The following DPF3 variants were observed in gnomAD, a reference collection of about 807,000 sequenced individuals.
The protein encoded by DPF3 is double PHD fingers 3.
In DPF3, 18 loss-of-function variants were observed where a neutral mutation model predicts 56.8. The ratio of observed to expected loss-of-function variants is 0.32; its 90% CI spans 0.22 to 0.47. DPF3 has a LOEUF of 0.47. Ranked by LOEUF, DPF3 falls within the 20% of genes least tolerant of loss-of-function variation. The pLI, the probability that DPF3 is intolerant of heterozygous loss-of-function variation, is 1.00. For missense variants in DPF3, 403 were observed against 488.8 expected, an observed-to-expected ratio of 0.82 and a Z score of 1.65; for synonymous variants, 188 against 180.2, an observed-to-expected ratio of 1.04 and a Z score of -0.35.
Position 72,612,993 on chromosome 14 carries a change from CGTGTGTGT to C in DPF3, c.*6296_*6303del, listed in dbSNP as rs59321921. ...TTTCCCTTTGGTTCATTAAGTAGGGCGTGTGTGTGTGTGTGTGTGTGTGTGTGTGTGTG... is the reference window on the plus strand; with the variant it reads ...TTTCCCTTTGGTTCATTAAGTAGGGCGTGTGTGTGTGTGTGTGTGTGTGTG... On this transcript the variant is annotated 3_prime_UTR_variant, in exon 11 of 11. Transcript: ENST00000556509. Among the ~76,000 whole-genome samples, 578 of 148,782 alleles carry C rather than the reference CGTGTGTGT, an allele frequency of 3.9e-3. 1 individual carries two copies. Among genetic ancestry groups the C allele is most frequent in the East Asian group, 7.1e-3 (35 of 4,938 alleles).
intron 6 of DPF3, among the ~76,000 whole-genome samples, chr14:72,705,601 C>T (rs987607062): frequency 1.3e-5 from 2 of 152,226 alleles, no homozygotes; most frequent in African/African-American, 4.8e-5. Flanking sequence ...TCCCAGCAAC[C>T]CTGGTCTAAC....
At chr14:72,875,547 C>T (rs1178358315) in intron 1 of DPF3, among the ~76,000 whole-genome samples, 1 of 152,178 alleles carries the variant, frequency 6.6e-6, no homozygotes, top group Non-Finnish European at 1.5e-5. Flanking sequence ...GTTAGGAATC[C>T]TACCCAAGGC....
In DPF3 at chr14:72,609,222, A is replaced by C. The variant is rs550764677; in HGVS notation, c.*10075T>G. Among the ~76,000 whole-genome samples the C allele has an allele frequency of 7.2e-5, 11 of 152,172 alleles. No individual in the cohort carries two copies. Among genetic ancestry groups the C allele is most frequent in the South Asian group, 2.1e-4 (1 of 4,828 alleles). On this transcript the variant is annotated 3_prime_UTR_variant, in exon 11 of 11. Coordinates refer to ENST00000556509, the MANE Select transcript of DPF3 (RefSeq NM_001280542.3). The stretch of plus-strand genomic sequence containing the variant: ...CATGGGATATCGAGGGGTCCCAAAG[A>C]AGAAGGCTGCTCGATCCCCACATTC...
intron 1 of DPF3, among the ~76,000 whole-genome samples, chr14:72,876,270 G>A (rs1003758686): frequency 6.6e-6 from 1 of 152,136 alleles, no homozygotes; most frequent in Non-Finnish European, 1.5e-5. Context: ...CACCCCTCTG[G>A]GTGGTCCCCT....
At chr14:72,849,043 C>A (rs1210659253) in intron 1 of DPF3, among the ~76,000 whole-genome samples, 2 of 152,102 alleles carry the variant, frequency 1.3e-5, no homozygotes, top group East Asian at 3.9e-4. Context: ...ACCAGGCCCC[C>A]AAAAAAGTTA....
Position 72,883,883 on chromosome 14 carries a change from C to T in DPF3, c.32+10174G>A, listed in dbSNP as rs562746079. Among the ~76,000 whole-genome samples, 26 of 149,482 alleles carry T rather than the reference C, an allele frequency of 1.7e-4. No homozygotes were observed. The South Asian group carries it at 2.6e-3, about 15-fold the overall frequency. On this transcript the variant is annotated intron_variant, in intron 1 of 10. Transcript: ENST00000556509. Reference sequence around the variant, plus strand: ...CAGAGGTTGCAGTGAGCCAAGATCACGCCACTGCACTCCAGCCTAGGCGAC... The same window carrying T: ...CAGAGGTTGCAGTGAGCCAAGATCATGCCACTGCACTCCAGCCTAGGCGAC...
At chr14:72,788,604 C>T (rs1892308522) in intron 1 of DPF3, among the ~76,000 whole-genome samples, 1 of 152,178 alleles carries the variant, frequency 6.6e-6, no homozygotes, top group African/African-American at 2.4e-5. Flanking sequence ...TTGCCAGACA[C>T]ACAGGATTCT....
intron 9 of DPF3, among the ~76,000 whole-genome samples, chr14:72,623,388 G>A (rs993153002): frequency 6.6e-6 from 1 of 152,158 alleles, no homozygotes; most frequent in Non-Finnish European, 1.5e-5. Context: ...ACCACACAGA[G>A]AGAAACTATT....
chr14:72,648,544 CAG>C (rs913101020), intron 8 of DPF3, among the ~76,000 whole-genome samples: 1 of 138,626 alleles, frequency 7.2e-6, no homozygotes, highest in African/African-American at 2.7e-5. Context: ...GCCTGGGTGA[CAG>C]AGTGAGACTC....
chr14:72,723,699 T>C lies in DPF3; in HGVS notation c.459A>G (p.Glu153=), dbSNP rs1251864153. The part of the protein sequence containing the change: ...QRVLENDENV[E]EGNEEEDLEE... ...CCAAATCCTCTTCTTCATTCCCTTC[T>C]TCTACATTTTCATCATTTTCCAAAA... The change falls in exon 5 of 11, where the codon GAA becomes GAG. Residue 153 remains glutamate (E), a synonymous_variant. Coordinates refer to ENST00000556509, the MANE Select transcript of DPF3 (RefSeq NM_001280542.3). 5.7e-6 allele frequency: 9 copies of C among 1,587,078 alleles called. No homozygotes were observed. Among genetic ancestry groups the C allele is most frequent in the South Asian group, 1.2e-5 (1 of 84,890 alleles).
Position 72,617,675 on chromosome 14 carries a change from G to A in DPF3, c.*1622C>T, listed in dbSNP as rs1177864217. On this transcript the variant is annotated 3_prime_UTR_variant, in exon 11 of 11. Transcript: ENST00000556509. The stretch of plus-strand genomic sequence containing the variant: ...GCTTGGTTTCATGCCAGGCTGCCCT[G>A]GGTCCACTGGCCAAGAGCAATTAGC... 1.3e-5 allele frequency among the ~76,000 whole-genome samples: 2 copies of A among 152,188 alleles called. No homozygotes were observed. The highest frequency in any genetic ancestry group is 4.1e-4 in the South Asian group (2 of 4,824).
At chr14:72,670,525 C>T in intron 8 of DPF3, 2 of 962,206 alleles carry the variant, frequency 2.1e-6, no homozygotes, top group Non-Finnish European at 2.4e-6. Flanking sequence ...CGCGGGGAGC[C>T]GCAAACTCCG....
intron 1 of DPF3, among the ~76,000 whole-genome samples, chr14:72,834,584 T>C (rs968560227): frequency 6.7e-6 from 1 of 149,456 alleles, no homozygotes; most frequent in African/African-American, 2.5e-5. Flanking sequence ...GGACCCCCCA[T>C]ACATCACTGA....
At chr14:72,653,619 G>A (rs911747105) in intron 8 of DPF3, among the ~76,000 whole-genome samples, 1 of 152,258 alleles carries the variant, frequency 6.6e-6, no homozygotes, top group East Asian at 1.9e-4. Flanking sequence ...CTAGATAGAG[G>A]GTGCTTTTTC....
At chr14:72,874,243 C>G (rs1431410011) in intron 1 of DPF3, among the ~76,000 whole-genome samples, 1 of 151,582 alleles carries the variant, frequency 6.6e-6, no homozygotes, top group Non-Finnish European at 1.5e-5. Context: ...CTTTGGGAGG[C>G]CAAGATGGGC....
chr14:72,853,945 GA>G (rs1885082696), intron 1 of DPF3, among the ~76,000 whole-genome samples: 1 of 152,186 alleles, frequency 6.6e-6, no homozygotes, highest in Admixed American at 6.5e-5. Context: ...CAAGATCTGG[GA>G]AACAACTCAG....
chr14:72,872,468 A>G (rs985206965), intron 1 of DPF3, among the ~76,000 whole-genome samples: 4 of 152,176 alleles, frequency 2.6e-5, no homozygotes, highest in Admixed American at 2.6e-4. Flanking sequence ...TATAAAACTG[A>G]ATGCCTTTAA....
At chr14:72,625,742 C>T (rs1441620337) in intron 9 of DPF3, among the ~76,000 whole-genome samples, 3 of 152,114 alleles carry the variant, frequency 2.0e-5, no homozygotes, top group African/African-American at 7.2e-5. Context: ...TATGTATAAA[C>T]TATATATAAC....
At chr14:72,652,852 G>T (rs1339053381) in intron 8 of DPF3, among the ~76,000 whole-genome samples, 1 of 152,182 alleles carries the variant, frequency 6.6e-6, no homozygotes, top group African/African-American at 2.4e-5. Flanking sequence ...AGGGTTGGGT[G>T]AGACCACGCT....
Sources: gnomAD v4.1 joint callset for allele counts (sites outside exome capture counted in the v4.1 genomes callset) on GRCh38, gnomAD v4.1.1 for gene constraint, MANE v1.5 for transcripts, NCBI Gene and HGNC (gene_info 2026-07-23, HGNC 2026-07-21) for gene names.